The following KLHL4 variants were observed in gnomAD, a reference collection of about 807,000 sequenced individuals.
KLHL4 encodes kelch-like protein 4.
Under a neutral mutation model 45.8 loss-of-function variants are expected in KLHL4, and 17 were observed. The observed-to-expected ratio is 0.37, with a 90% CI of 0.25 to 0.56. The LOEUF (loss-of-function observed/expected upper bound fraction) is 0.56, where lower values mean the gene tolerates loss of function less well. Among genes scored for constraint, KLHL4 ranks in the 20% least tolerant of loss-of-function variants. The probability of loss-of-function intolerance (pLI) is 0.79; values close to 1 mark genes in which losing one functional copy is unlikely to be tolerated. For missense variants in KLHL4, 544 were observed against 544.9 expected (o/e 1.00, Z 0.02); for synonymous variants, 224 against 189.9 (o/e 1.18, Z -1.47).
intron 1 of KLHL4, among the ~76,000 whole-genome samples, chrX:87,600,524 G>T (rs1278944171): frequency 9.3e-6 from 1 of 107,509 alleles, no homozygotes; most frequent in Non-Finnish European, 1.9e-5. Context: ...GCACCTCCCC[G>T]ACAACTCTTT....
At chrX:87,580,266 A>G (rs1427653193) in intron 1 of KLHL4, among the ~76,000 whole-genome samples, 1 of 110,199 alleles carries the variant, frequency 9.1e-6, no homozygotes, top group Admixed American at 9.7e-5. Context: ...CTACAAAAAA[A>G]TTAGTAAAAA....
chrX:87,659,523 C>T (rs1924114063), intron 9 of KLHL4, among the ~76,000 whole-genome samples: 1 of 111,248 alleles, frequency 9.0e-6, no homozygotes, highest in South Asian at 3.7e-4. Context: ...CATTGAATCC[C>T]TCTACTGAAT....
rs746191677 is a variant in KLHL4, at chrX:87,634,164, T to C, written c.1712+253T>C. On this transcript the variant is annotated intron_variant, in intron 8 of 10. Coordinates refer to ENST00000373119, the MANE Select transcript of KLHL4 (RefSeq NM_019117.5). ...ACCAGCAGCATCCACCTTTCGTATT[T>C]AGAAATGCTGAATCCTAGCCCCGAC... Among the ~76,000 whole-genome samples, 69 of 112,020 alleles carry C rather than the reference T, an allele frequency of 6.2e-4. No homozygotes were observed. The Middle Eastern group carries it at 0.023, about 38-fold the overall frequency.
Position 87,667,712 on chromosome X carries a change from AC to A in KLHL4, c.*1181del. The A allele has an allele frequency of 1.5e-6, 1 of 668,489 alleles. No homozygotes were observed. Among genetic ancestry groups the A allele is most frequent in the Non-Finnish European group, 1.8e-6 (1 of 561,427 alleles). 55.1% of individuals were successfully genotyped at this position (668,489 alleles called of 1,213,427 possible). A position where few individuals can be genotyped will look rare whatever the true frequency, so the allele number is the denominator to read the frequency against. ...TACAACTAAGATGAAATATTGAAAA[AC>A]CCTTTGTGAAAGTAACTTTTCAAGT... On this transcript the variant is annotated 3_prime_UTR_variant, in exon 11 of 11. Transcript: ENST00000373119.
intron 1 of KLHL4, among the ~76,000 whole-genome samples, chrX:87,542,696 A>G (rs757066873): frequency 3.6e-5 from 4 of 111,949 alleles, no homozygotes; most frequent in Admixed American, 9.5e-5. Flanking sequence ...CTTGGAAGTA[A>G]ATAACTTGCT....
chrX:87,536,301 A>G (rs749996216), intron 1 of KLHL4, among the ~76,000 whole-genome samples: 4 of 111,371 alleles, frequency 3.6e-5, no homozygotes, highest in Admixed American at 9.6e-5. Context: ...AAAGCTGATG[A>G]TAAATATAAA....
chrX:87,558,576 G>A (rs917397182), intron 1 of KLHL4, among the ~76,000 whole-genome samples: 22 of 111,659 alleles, frequency 2.0e-4, no homozygotes, highest in African/African-American at 6.5e-4. Context: ...GCAACAGAGC[G>A]AGACTCCATC....
chrX:87,610,872 G>A (rs1486200402), intron 1 of KLHL4, among the ~76,000 whole-genome samples: 4 of 110,841 alleles, frequency 3.6e-5, no homozygotes, highest in South Asian at 3.8e-4. Context: ...CCAGGAGTTC[G>A]AGACCAGCCT....
chrX:87,637,005 T>A (rs1336466877), intron 9 of KLHL4, among the ~76,000 whole-genome samples: 1 of 111,705 alleles, frequency 9.0e-6, no homozygotes, highest in Non-Finnish European at 1.9e-5. Context: ...TGATGGGCTC[T>A]TGAATGTGCC....
intron 1 of KLHL4, among the ~76,000 whole-genome samples, chrX:87,537,341 A>G (rs902542267): frequency 4.5e-5 from 5 of 111,600 alleles, no homozygotes; most frequent in Non-Finnish European, 9.4e-5. Flanking sequence ...ATGTTTATTT[A>G]TAATATTAAT....
chrX:87,573,214 G>A (rs1427741062), intron 1 of KLHL4, among the ~76,000 whole-genome samples: 1 of 111,181 alleles, frequency 9.0e-6, no homozygotes, highest in Non-Finnish European at 1.9e-5. Context: ...ATCACTTGGT[G>A]AAATTTTCGA....
chrX:87,664,162 A>T (rs1273552573), intron 9 of KLHL4, among the ~76,000 whole-genome samples: 2 of 111,502 alleles, frequency 1.8e-5, no homozygotes, highest in African/African-American at 3.3e-5. Context: ...AGGTTTGGGG[A>T]TAAGGAGTTA....
At chrX:87,584,680 A>T (rs1460851278) in intron 1 of KLHL4, among the ~76,000 whole-genome samples, 2 of 109,981 alleles carry the variant, frequency 1.8e-5, no homozygotes, top group African/African-American at 6.6e-5. Context: ...AGACAAAATA[A>T]AAAAAAAGAA....
At chrX:87,623,003 A>G (rs748283829) in intron 5 of KLHL4, among the ~76,000 whole-genome samples, 3 of 111,864 alleles carry the variant, frequency 2.7e-5, no homozygotes, top group Non-Finnish European at 5.6e-5. Flanking sequence ...ATGCAGTCTC[A>G]CCACATAATT....
intron 1 of KLHL4, among the ~76,000 whole-genome samples, chrX:87,600,268 C>G (rs769531176): frequency 9.0e-6 from 1 of 110,746 alleles, no homozygotes; most frequent in South Asian, 3.8e-4. Flanking sequence ...GGGCGGATCA[C>G]GAGGTCAGAT....
At chrX:87,633,339 G>A (rs1196327778) in intron 7 of KLHL4, among the ~76,000 whole-genome samples, 1 of 111,967 alleles carries the variant, frequency 8.9e-6, no homozygotes, top group African/African-American at 3.3e-5. Flanking sequence ...AACACCAGAG[G>A]TTATAAAGAC....
intron 9 of KLHL4, among the ~76,000 whole-genome samples, chrX:87,655,435 T>G (rs1349232738): frequency 8.9e-6 from 1 of 112,296 alleles, no homozygotes; most frequent in Non-Finnish European, 1.9e-5. Context: ...CATGATTATA[T>G]TATGACATTA....
At chrX:87,519,283 A>T (rs1930954761) in intron 1 of KLHL4, among the ~76,000 whole-genome samples, 1 of 112,064 alleles carries the variant, frequency 8.9e-6, no homozygotes, top group Non-Finnish European at 1.9e-5. Flanking sequence ...GTAGTTCAAC[A>T]TGCTAATTTA....
At chrX:87,576,857 C>A (rs1406300694) in intron 1 of KLHL4, among the ~76,000 whole-genome samples, 1 of 110,771 alleles carries the variant, frequency 9.0e-6, no homozygotes, top group Non-Finnish European at 1.9e-5. Context: ...AAAATACTTA[C>A]CAAATATATA....
Sources: gnomAD v4.1 joint callset for allele counts (sites outside exome capture counted in the v4.1 genomes callset) on GRCh38, gnomAD v4.1.1 for gene constraint, MANE v1.5 for transcripts, NCBI Gene and HGNC (gene_info 2026-07-23, HGNC 2026-07-21) for gene names.